Variants in CALN1 observed in about 807,000 individuals in gnomAD.
CALN1 encodes the protein calneuron 1, also known as calcium-binding protein 8.
CALN1 carries 17 observed loss-of-function variants against 30.6 expected under a neutral mutation model. That is an observed-to-expected ratio of 0.56 (90% CI 0.38 to 0.83). The LOEUF is 0.83. Ranked by LOEUF, CALN1 falls within the 40% of genes least tolerant of loss-of-function variation. The probability of loss-of-function intolerance (pLI) is 0.00; values close to 1 mark genes in which losing one functional copy is unlikely to be tolerated. For synonymous variants in CALN1, 156 were observed against 131.4 expected (o/e 1.19, Z -1.28); for missense variants, 291 against 354.9 (o/e 0.82, Z 1.45).
chr7:72,240,876 G>A (rs537027711), intron 3 of CALN1, among the ~76,000 whole-genome samples: 1 of 152,268 alleles, frequency 6.6e-6, no homozygotes, highest in Non-Finnish European at 1.5e-5. Flanking sequence ...CTCTCTACCT[G>A]GAAGGCCAGT....
chr7:72,240,188 ATTTC>A (rs1053908692), intron 3 of CALN1, among the ~76,000 whole-genome samples: 6 of 142,246 alleles, frequency 4.2e-5, no homozygotes, highest in Non-Finnish European at 8.9e-5. Flanking sequence ...ACTTGGGGAA[ATTTC>A]TTTTTTTTTT....
chr7:72,229,072 AATT>A (rs112050502), intron 3 of CALN1, among the ~76,000 whole-genome samples: 4 of 151,536 alleles, frequency 2.6e-5, no homozygotes, highest in East Asian at 1.9e-4. Flanking sequence ...GCCCATTTTT[AATT>A]ATTATTATTT....
intron 2 of CALN1, among the ~76,000 whole-genome samples, chr7:72,293,894 T>G (rs1387814370): frequency 2.6e-5 from 4 of 151,820 alleles, no homozygotes; most frequent in South Asian, 2.1e-4. Flanking sequence ...ATCAGGAGTT[T>G]GAGACCAGCC....
chr7:71,842,186 C>A (rs1584347030), intron 5 of CALN1, among the ~76,000 whole-genome samples: 1 of 152,078 alleles, frequency 6.6e-6, no homozygotes, highest in South Asian at 2.1e-4. Context: ...AGTCTAGTCC[C>A]GAGTAAACTC....
chr7:71,964,744 A>T (rs756678257), intron 5 of CALN1, among the ~76,000 whole-genome samples: 1 of 152,156 alleles, frequency 6.6e-6, no homozygotes, highest in Non-Finnish European at 1.5e-5. Flanking sequence ...AACTTATTGA[A>T]CACTTCATTA....
chr7:72,237,225 C>A (rs529325861), intron 3 of CALN1, among the ~76,000 whole-genome samples: 36 of 152,200 alleles, frequency 2.4e-4, no homozygotes, highest in African/African-American at 7.7e-4. Context: ...CTCAGGTGAT[C>A]CGCCCGGCTC....
intron 2 of CALN1, among the ~76,000 whole-genome samples, chr7:72,386,318 G>A (rs1417069964): frequency 3.3e-5 from 5 of 152,182 alleles, no homozygotes; most frequent in Non-Finnish European, 5.9e-5. Flanking sequence ...GTTACAAATG[G>A]TATGACACAA....
chr7:72,064,172 C>T (rs543354853), intron 4 of CALN1, among the ~76,000 whole-genome samples: 66 of 151,890 alleles, frequency 4.3e-4, no homozygotes, highest in African/African-American at 1.4e-3. Flanking sequence ...ATCCCAGCTA[C>T]TCAGGAGGCT....
intron 4 of CALN1, among the ~76,000 whole-genome samples, chr7:72,066,807 A>T (rs1230583226): frequency 1.3e-5 from 2 of 150,820 alleles, no homozygotes; most frequent in African/African-American, 4.9e-5. Context: ...TTTGAGACAG[A>T]GTCTCACTCT....
At chr7:72,131,512 T>G (rs1272954884) in intron 3 of CALN1, among the ~76,000 whole-genome samples, 1 of 152,178 alleles carries the variant, frequency 6.6e-6, no homozygotes, top group South Asian at 2.1e-4. Context: ...CATTCCCAGA[T>G]TTTGGTTACT....
At chr7:72,377,072 C>T (rs1301885295) in intron 2 of CALN1, among the ~76,000 whole-genome samples, 1 of 152,198 alleles carries the variant, frequency 6.6e-6, no homozygotes, top group East Asian at 1.9e-4. Context: ...GCCAGTGCCA[C>T]ACTGTTTTGA....
intron 3 of CALN1, among the ~76,000 whole-genome samples, chr7:72,250,324 G>C (rs887944115): frequency 1.3e-5 from 2 of 152,188 alleles, no homozygotes; most frequent in Admixed American, 6.5e-5. Flanking sequence ...GTGTGACCTT[G>C]AGGCAGTCAC....
intron 2 of CALN1, among the ~76,000 whole-genome samples, chr7:72,363,886 C>T (rs989092060): frequency 1.3e-5 from 2 of 151,772 alleles, no homozygotes; most frequent in Admixed American, 6.6e-5. Context: ...AGGCAGGCAC[C>T]ACCATGCCCA....
intron 2 of CALN1, among the ~76,000 whole-genome samples, chr7:72,346,616 A>T (rs543645885): frequency 6.6e-6 from 1 of 152,094 alleles, no homozygotes. Flanking sequence ...CCCAGGTTCA[A>T]GCGATTCTCC....
chr7:72,100,164 GTTT>G (rs11309480), intron 4 of CALN1, among the ~76,000 whole-genome samples: 1 of 149,764 alleles, frequency 6.7e-6, no homozygotes, highest in Non-Finnish European at 1.5e-5. Flanking sequence ...GAGTTTTTTT[GTTT>G]TTTTTTTAGA....
chr7:72,087,293 G>A (rs1003980813), intron 4 of CALN1, among the ~76,000 whole-genome samples: 1 of 152,160 alleles, frequency 6.6e-6, no homozygotes, highest in Non-Finnish European at 1.5e-5. Context: ...AATGCCTTTG[G>A]GAGGCCAAGG....
intron 5 of CALN1, among the ~76,000 whole-genome samples, chr7:71,999,760 G>T (rs1244603118): frequency 6.6e-6 from 1 of 152,072 alleles, no homozygotes; most frequent in African/African-American, 2.4e-5. Context: ...TGATCCACCA[G>T]CCTCAGCCTC....
At chr7:71,803,165 G>A (rs987727599) in intron 6 of CALN1, among the ~76,000 whole-genome samples, 5 of 152,326 alleles carry the variant, frequency 3.3e-5, no homozygotes, top group South Asian at 4.1e-4. Context: ...GACATATAAA[G>A]TTCTAATACT....
chr7:72,231,897 G>C (rs1794131551), intron 3 of CALN1, among the ~76,000 whole-genome samples: 1 of 152,172 alleles, frequency 6.6e-6, no homozygotes, highest in Non-Finnish European at 1.5e-5. Flanking sequence ...AATTTGTTTA[G>C]CAGCATGTAA....
Sources: gnomAD v4.1 joint callset for allele counts (sites outside exome capture counted in the v4.1 genomes callset) on GRCh38, gnomAD v4.1.1 for gene constraint, MANE v1.5 for transcripts, NCBI Gene and HGNC (gene_info 2026-07-23, HGNC 2026-07-21) for gene names.